Variants in CDH13 observed in about 807,000 individuals in gnomAD.
The protein encoded by CDH13 is cadherin 13, also known as cadherin-13.
Under a neutral mutation model 63.8 loss-of-function variants are expected in CDH13, and 24 were observed. The ratio of observed to expected loss-of-function variants is 0.38; its 90% CI spans 0.27 to 0.53. The LOEUF (loss-of-function observed/expected upper bound fraction) is 0.53. Ranked by LOEUF, CDH13 falls within the 20% of genes least tolerant of loss-of-function variation. The pLI, the probability that CDH13 is intolerant of heterozygous loss-of-function variation, is 0.85. For missense variants in CDH13, 1,049 were observed against 903.1 expected (o/e 1.16, Z -2.07); for synonymous variants, 503 against 355.3 (o/e 1.42, Z -4.67).
chr16:83,727,157 A>G (rs1910507989), intron 10 of CDH13, among the ~76,000 whole-genome samples: 1 of 151,966 alleles, frequency 6.6e-6, no homozygotes, highest in African/African-American at 2.4e-5. Context: ...GAGAAGCCCC[A>G]TCCCCCTTAA....
At chr16:83,611,355 G>A (rs1052917942) in intron 8 of CDH13, among the ~76,000 whole-genome samples, 1 of 151,750 alleles carries the variant, frequency 6.6e-6, no homozygotes, top group East Asian at 1.9e-4. Flanking sequence ...TTTCATTGAT[G>A]GATATGAAAC....
At chr16:83,448,032 C>A (rs1281287278) in intron 6 of CDH13, among the ~76,000 whole-genome samples, 1 of 152,052 alleles carries the variant, frequency 6.6e-6, no homozygotes, top group Non-Finnish European at 1.5e-5. Context: ...CAGGTACTTC[C>A]AAGGGAATGA....
At chr16:83,120,984 G>C (rs373060823) in intron 3 of CDH13, among the ~76,000 whole-genome samples, 1 of 151,878 alleles carries the variant, frequency 6.6e-6, no homozygotes, top group South Asian at 2.1e-4. Flanking sequence ...GCCTGGTCTC[G>C]AACTCCTGAC....
chr16:82,923,312 A>G (rs908541027), intron 2 of CDH13, among the ~76,000 whole-genome samples: 1 of 152,214 alleles, frequency 6.6e-6, no homozygotes, highest in African/African-American at 2.4e-5. Flanking sequence ...AAGTGAGTTT[A>G]AGGACTGGTG....
At chr16:83,725,494 G>A (rs1457202164) in intron 10 of CDH13, 1 of 152,490 alleles carries the variant, frequency 6.6e-6, no homozygotes, top group Admixed American at 6.5e-5. Context: ...TGTGGGCACA[G>A]GATCTCTGCC....
chr16:83,667,893 G>A (rs1204955070), intron 8 of CDH13, among the ~76,000 whole-genome samples: 1 of 151,978 alleles, frequency 6.6e-6, no homozygotes, highest in Non-Finnish European at 1.5e-5. Flanking sequence ...GAATTCCTGG[G>A]CTCAAGTGAT....
chr16:82,665,454 C>A (rs56120431), intron 1 of CDH13, among the ~76,000 whole-genome samples: 5 of 151,986 alleles, frequency 3.3e-5, no homozygotes, highest in African/African-American at 7.3e-5. Context: ...GAACCTAACC[C>A]TGCATTTCTA....
chr16:83,480,766 C>G (rs35233525), intron 6 of CDH13, among the ~76,000 whole-genome samples: 2 of 152,032 alleles, frequency 1.3e-5, no homozygotes, highest in Non-Finnish European at 2.9e-5. Flanking sequence ...CCAGGAGGCC[C>G]CAAACCCATT....
At chr16:83,268,617 T>C (rs929537250) in intron 5 of CDH13, among the ~76,000 whole-genome samples, 2 of 152,214 alleles carry the variant, frequency 1.3e-5, no homozygotes, top group African/African-American at 4.8e-5. Flanking sequence ...ACAAGTGACA[T>C]GAAGTGAAAT....
chr16:83,695,842 T>C (rs898976428), intron 10 of CDH13, among the ~76,000 whole-genome samples: 36 of 152,196 alleles, frequency 2.4e-4, no homozygotes, highest in Admixed American at 9.8e-4. Context: ...GTCGAACCTT[T>C]CGTGAGTGAA....
At chr16:83,768,814 T>G (rs1176656540) in intron 11 of CDH13, among the ~76,000 whole-genome samples, 1 of 152,132 alleles carries the variant, frequency 6.6e-6, no homozygotes, top group African/African-American at 2.4e-5. Context: ...ATCGCCATCT[T>G]GGTCTTGGTG....
intron 2 of CDH13, among the ~76,000 whole-genome samples, chr16:82,961,584 A>C (rs925827543): frequency 6.6e-6 from 1 of 151,478 alleles, no homozygotes; most frequent in Non-Finnish European, 1.5e-5. Flanking sequence ...AAAAAAAAAA[A>C]AAAAAAAAAA....
chr16:82,960,057 A>G (rs769143517), intron 2 of CDH13, among the ~76,000 whole-genome samples: 3 of 152,208 alleles, frequency 2.0e-5, no homozygotes, highest in Non-Finnish European at 4.4e-5. Flanking sequence ...AGGTGATGCA[A>G]TCCTATTCAT....
At chr16:82,967,765 T>C (rs1908076119) in intron 2 of CDH13, among the ~76,000 whole-genome samples, 1 of 152,240 alleles carries the variant, frequency 6.6e-6, no homozygotes, top group Admixed American at 6.5e-5. Flanking sequence ...AGGCAGCATG[T>C]AGCAGGCTTT....
intron 1 of CDH13, among the ~76,000 whole-genome samples, chr16:82,857,047 G>A (rs181160912): frequency 3.9e-5 from 6 of 152,202 alleles, no homozygotes; most frequent in South Asian, 2.1e-4. Flanking sequence ...GACATATCTC[G>A]TACAAAGAAG....
intron 6 of CDH13, among the ~76,000 whole-genome samples, chr16:83,419,074 G>A (rs999236449): frequency 2.6e-5 from 4 of 152,080 alleles, no homozygotes; most frequent in East Asian, 1.9e-4. Context: ...AAGTAAGGGG[G>A]AATAGGGGCC....
intron 3 of CDH13, among the ~76,000 whole-genome samples, chr16:83,088,249 G>A (rs1324444150): frequency 6.6e-6 from 1 of 152,066 alleles, no homozygotes; most frequent in African/African-American, 2.4e-5. Context: ...TTATGCTGAG[G>A]GTGTCTTGTT....
intron 4 of CDH13, among the ~76,000 whole-genome samples, chr16:83,152,030 A>C (rs901593852): frequency 1.3e-5 from 2 of 152,324 alleles, no homozygotes; most frequent in Middle Eastern, 3.4e-3. Flanking sequence ...AAGAATATTT[A>C]GGATTTAGTC....
intron 7 of CDH13, among the ~76,000 whole-genome samples, chr16:83,508,839 A>G (rs1485554547): frequency 6.6e-6 from 1 of 152,212 alleles, no homozygotes; most frequent in African/African-American, 2.4e-5. Flanking sequence ...CTTGTCTTCT[A>G]TATTTTAGAT....
Sources: allele counts gnomAD v4.1 joint callset (sites outside exome capture counted in the v4.1 genomes callset), GRCh38; gene constraint gnomAD v4.1.1; transcripts MANE v1.5; gene names NCBI Gene and HGNC (gene_info 2026-07-23, HGNC 2026-07-21).